CDH4: variants seen among roughly 807,000 people sequenced by gnomAD.
The protein encoded by CDH4 is cadherin 4.
CDH4 carries 33 observed loss-of-function variants against 86.0 expected under a neutral mutation model. The ratio of observed to expected loss-of-function variants is 0.38; its 90% CI spans 0.29 to 0.51. The LOEUF (loss-of-function observed/expected upper bound fraction) is 0.51. Ranked by LOEUF, CDH4 falls within the 20% of genes least tolerant of loss-of-function variation. The probability of loss-of-function intolerance (pLI) is 0.86; values close to 1 mark genes in which losing one functional copy is unlikely to be tolerated. For missense variants in CDH4, 1,114 were observed against 1,307.4 expected, an observed-to-expected ratio of 0.85 and a Z score of 2.28; for synonymous variants, 555 against 549.4, an observed-to-expected ratio of 1.01 and a Z score of -0.14.
chr20:61,274,721 T>C (rs1334419435), intron 2 of CDH4, among the ~76,000 whole-genome samples: 4 of 118,580 alleles, frequency 3.4e-5, no homozygotes, highest in South Asian at 3.1e-4. Flanking sequence ...GGGAGTACTG[T>C]GTGCTGTTGT....
At chr20:61,470,843 G>A (rs2085497947) in intron 2 of CDH4, among the ~76,000 whole-genome samples, 1 of 152,102 alleles carries the variant, frequency 6.6e-6, no homozygotes, top group Admixed American at 6.5e-5. Context: ...CAGATTGATT[G>A]ATTCATGTAT....
chr20:61,471,145 C>T (rs2085499803), intron 2 of CDH4, among the ~76,000 whole-genome samples: 1 of 152,054 alleles, frequency 6.6e-6, no homozygotes, highest in South Asian at 2.1e-4. Flanking sequence ...TAAAATTCAG[C>T]AGTGAAGCCA....
chr20:61,613,878 C>T (rs1393254674), intron 2 of CDH4, among the ~76,000 whole-genome samples: 4 of 151,974 alleles, frequency 2.6e-5, no homozygotes, highest in South Asian at 2.1e-4. Flanking sequence ...GGGAGGAGCT[C>T]GTTTGTTTCC....
intron 2 of CDH4, among the ~76,000 whole-genome samples, chr20:61,474,152 CTTTTTTTTTTTTTTTT>C (rs10551077): frequency 2.5e-5 from 1 of 40,020 alleles, no homozygotes; most frequent in Non-Finnish European, 4.1e-5. Flanking sequence ...TGGAATAGGA[CTTTTTTTTTTTTTTTT>C]TTTTTTTTTT....
chr20:61,286,134 C>A (rs2084291894), intron 2 of CDH4, among the ~76,000 whole-genome samples: 1 of 152,214 alleles, frequency 6.6e-6, no homozygotes, highest in African/African-American at 2.4e-5. Flanking sequence ...CCAAGGTGAG[C>A]ATTCATATCT....
At chr20:61,426,667 T>C (rs2085217102) in intron 2 of CDH4, among the ~76,000 whole-genome samples, 1 of 152,230 alleles carries the variant, frequency 6.6e-6, no homozygotes. Flanking sequence ...TCCCAATTTT[T>C]TGAGATTGCA....
At chr20:61,400,607 C>T (rs1020225003) in intron 2 of CDH4, among the ~76,000 whole-genome samples, 4 of 152,300 alleles carry the variant, frequency 2.6e-5, no homozygotes, top group South Asian at 2.1e-4. Flanking sequence ...CAGTCTCCAC[C>T]GTCTCATCTC....
intron 2 of CDH4, among the ~76,000 whole-genome samples, chr20:61,565,222 A>AGGTGGT (rs1228602020): frequency 4.7e-4 from 5 of 10,708 alleles, no homozygotes; most frequent in South Asian, 6.1e-3. Context: ...TCTCGGTGGT[A>AGGTGGT]GGTGGTGGTG....
At chr20:61,524,166 C>T (rs2085893531) in intron 2 of CDH4, among the ~76,000 whole-genome samples, 1 of 152,140 alleles carries the variant, frequency 6.6e-6, no homozygotes, top group Non-Finnish European at 1.5e-5. Flanking sequence ...CATTGGGCTG[C>T]TTTGGTTTAT....
chr20:61,753,135 C>T (rs989686653), intron 3 of CDH4, among the ~76,000 whole-genome samples: 5 of 152,110 alleles, frequency 3.3e-5, no homozygotes, highest in African/African-American at 1.2e-4. Flanking sequence ...AACAAATGGC[C>T]TCCTTCAAAG....
At chr20:61,721,520 CA>C (rs1707715410) in intron 2 of CDH4, among the ~76,000 whole-genome samples, 1 of 152,228 alleles carries the variant, frequency 6.6e-6, no homozygotes. Context: ...GGTAAAATGT[CA>C]TATAACTTTT....
intron 3 of CDH4, among the ~76,000 whole-genome samples, chr20:61,772,262 T>G (rs934783646): frequency 7.2e-5 from 11 of 152,316 alleles, no homozygotes; most frequent in African/African-American, 2.6e-4. Context: ...TCCCACACCC[T>G]CAGCCGTCAG....
intron 2 of CDH4, chr20:61,738,308 G>T (rs1298364607): frequency 6.6e-6 from 1 of 152,246 alleles, no homozygotes; most frequent in Non-Finnish European, 1.5e-5. Flanking sequence ...GATGCGTGCG[G>T]CAGGTAGCGG....
intron 4 of CDH4, among the ~76,000 whole-genome samples, chr20:61,788,247 G>A (rs1293527648): frequency 6.6e-6 from 1 of 152,200 alleles, no homozygotes; most frequent in Non-Finnish European, 1.5e-5. Context: ...CTACTCATGA[G>A]CATGGGGTCG....
chr20:61,488,327 C>T (rs948106611), intron 2 of CDH4, among the ~76,000 whole-genome samples: 5 of 152,156 alleles, frequency 3.3e-5, no homozygotes, highest in Non-Finnish European at 7.4e-5. Context: ...GGAACAGAAC[C>T]GTTTTTAATT....
At chr20:61,504,791 G>A (rs1036308557) in intron 2 of CDH4, among the ~76,000 whole-genome samples, 3 of 152,216 alleles carry the variant, frequency 2.0e-5, no homozygotes, top group African/African-American at 7.2e-5. Context: ...GGCTGTGCGT[G>A]GTGGCACTAC....
intron 2 of CDH4, among the ~76,000 whole-genome samples, chr20:61,312,102 G>T (rs1364960507): frequency 7.1e-6 from 1 of 141,004 alleles, no homozygotes; most frequent in African/African-American, 2.7e-5. Context: ...GTGCATGTGT[G>T]TGATGTGTGG....
intron 2 of CDH4, chr20:61,738,310 A>C (rs925251579): frequency 2.0e-4 from 30 of 152,356 alleles, no homozygotes; most frequent in Admixed American, 7.2e-4. Context: ...TGCGTGCGGC[A>C]GGTAGCGGCT....
chr20:61,736,726 C>T (rs140934967), intron 2 of CDH4, among the ~76,000 whole-genome samples: 5 of 152,206 alleles, frequency 3.3e-5, no homozygotes, highest in South Asian at 2.1e-4. Flanking sequence ...GGCGCATTCA[C>T]GACAGGCGGG....
Sources: gnomAD v4.1 joint callset for allele counts (sites outside exome capture counted in the v4.1 genomes callset) on GRCh38, gnomAD v4.1.1 for gene constraint, MANE v1.5 for transcripts, NCBI Gene and HGNC (gene_info 2026-07-23, HGNC 2026-07-21) for gene names.